Variants in SEMA3A observed in about 807,000 individuals in gnomAD.
The protein encoded by SEMA3A is semaphorin-3A.
A neutral mutation model predicts 97.9 loss-of-function variants in SEMA3A; 29 were observed. The ratio of observed to expected loss-of-function variants is 0.30; its 90% CI spans 0.22 to 0.40. SEMA3A has a LOEUF of 0.40. SEMA3A is among the 10% of genes least tolerant of loss of function. SEMA3A has a pLI of 1.00. For synonymous variants in SEMA3A, 321 were observed against 323.7 expected (o/e 0.99, Z 0.09); for missense variants, 763 against 951.3 (o/e 0.80, Z 2.60).
intron 1 of SEMA3A, among the ~76,000 whole-genome samples, chr7:84,441,616 G>A (rs1305660829): frequency 2.0e-5 from 3 of 152,042 alleles, no homozygotes; most frequent in Non-Finnish European, 4.4e-5. Context: ...CATAGAAAAT[G>A]TTTCAAGAAA....
At chr7:84,239,073 C>T (rs554982824) in intron 3 of SEMA3A, among the ~76,000 whole-genome samples, 52 of 151,720 alleles carry the variant, frequency 3.4e-4, no homozygotes, top group African/African-American at 1.2e-3. Context: ...AGAATGTAGA[C>T]CAAAAATAAT....
At chr7:84,419,328 A>G (rs1804523960) in intron 1 of SEMA3A, among the ~76,000 whole-genome samples, 1 of 152,170 alleles carries the variant, frequency 6.6e-6, no homozygotes, top group South Asian at 2.1e-4. Flanking sequence ...TTTTTGTTAT[A>G]GAAGCACAAT....
intron 4 of SEMA3A, 40 bp from the exon 5 acceptor site, chr7:84,060,598 T>C (rs369478800): frequency 3.0e-6 from 4 of 1,335,992 alleles, no homozygotes; most frequent in African/African-American, 1.5e-5. Flanking sequence ...GTTTCCTTTA[T>C]ATATAAAAAT....
At chr7:84,064,062 G>C (rs889420935) in intron 4 of SEMA3A, among the ~76,000 whole-genome samples, 4 of 152,198 alleles carry the variant, frequency 2.6e-5, no homozygotes, top group African/African-American at 9.7e-5. Context: ...CAGACTAACA[G>C]CTGATCGCTC....
intron 4 of SEMA3A, among the ~76,000 whole-genome samples, chr7:84,107,066 T>G (rs796403838): frequency 6.6e-6 from 1 of 152,170 alleles, no homozygotes. Context: ...AAGTTGTCCT[T>G]GAGAACAAAA....
chr7:84,147,822 T>C (rs1796507471), intron 1 of SEMA3A, among the ~76,000 whole-genome samples: 1 of 152,204 alleles, frequency 6.6e-6, no homozygotes, highest in African/African-American at 2.4e-5. Context: ...GCAAATGCAA[T>C]TTAAATTTGT....
At chr7:84,019,751 T>C (rs558984848) in intron 6 of SEMA3A, among the ~76,000 whole-genome samples, 1 of 152,238 alleles carries the variant, frequency 6.6e-6, no homozygotes, top group East Asian at 1.9e-4. Flanking sequence ...ATTTGTATAC[T>C]TATCCTGCGT....
chr7:84,458,318 T>A (rs1371074491), intron 1 of SEMA3A, among the ~76,000 whole-genome samples: 1 of 152,052 alleles, frequency 6.6e-6, no homozygotes, highest in Non-Finnish European at 1.5e-5. Context: ...TATTTGTGTC[T>A]CTCTTTAAAC....
chr7:84,041,791 C>T (rs1269717597), intron 6 of SEMA3A, among the ~76,000 whole-genome samples: 3 of 152,002 alleles, frequency 2.0e-5, no homozygotes, highest in Non-Finnish European at 4.4e-5. Context: ...ATAAAACAGG[C>T]TTATAGAGGG....
intron 4 of SEMA3A, among the ~76,000 whole-genome samples, chr7:84,086,604 A>AT (rs1382445049): frequency 6.4e-5 from 9 of 141,304 alleles, no homozygotes; most frequent in South Asian, 2.2e-4. Context: ...TTATATTTAT[A>AT]ATCCTCACAA....
intron 13 of SEMA3A, among the ~76,000 whole-genome samples, chr7:83,985,028 T>C (rs1789569817): frequency 6.6e-6 from 1 of 152,092 alleles, no homozygotes; most frequent in South Asian, 2.1e-4. Flanking sequence ...TTGTTTATAT[T>C]TGCAAAGTAA....
intron 3 of SEMA3A, among the ~76,000 whole-genome samples, chr7:84,221,086 C>A (rs1302644641): frequency 1.3e-5 from 2 of 152,114 alleles, no homozygotes; most frequent in African/African-American, 2.4e-5. Context: ...ATCTTCTGAA[C>A]AACTTGTTGC....
At chr7:84,484,254 A>C (rs1364886663) in intron 1 of SEMA3A, among the ~76,000 whole-genome samples, 1 of 152,144 alleles carries the variant, frequency 6.6e-6, no homozygotes, top group South Asian at 2.1e-4. Context: ...AATTTTAAAA[A>C]TGTAGTGTTC....
At chr7:84,055,476 A>G (rs937194723) in intron 5 of SEMA3A, among the ~76,000 whole-genome samples, 18 of 152,116 alleles carry the variant, frequency 1.2e-4, no homozygotes, top group African/African-American at 1.7e-4. Flanking sequence ...TCCAGGTGCC[A>G]TCCGTCACCC....
chr7:84,198,692 C>T (rs1798292287), upstream of SEMA3A, among the ~76,000 whole-genome samples: 1 of 152,142 alleles, frequency 6.6e-6, no homozygotes, highest in Non-Finnish European at 1.5e-5. Context: ...ATGATTAACT[C>T]CTGCCGTGGA....
At chr7:84,362,462 A>T (rs1249173530) in intron 2 of SEMA3A, among the ~76,000 whole-genome samples, 1 of 152,038 alleles carries the variant, frequency 6.6e-6, no homozygotes, top group Non-Finnish European at 1.5e-5. Flanking sequence ...TGTTCTAAAA[A>T]CATCAGAGAG....
chr7:83,998,748 T>G (rs375154130), intron 12 of SEMA3A, among the ~76,000 whole-genome samples: 25 of 152,242 alleles, frequency 1.6e-4, no homozygotes, highest in Middle Eastern at 3.4e-3. Flanking sequence ...TACATTCTTG[T>G]TTGATAAATT....
intron 3 of SEMA3A, among the ~76,000 whole-genome samples, chr7:84,280,318 C>T (rs1800411041): frequency 6.6e-6 from 1 of 152,150 alleles, no homozygotes; most frequent in South Asian, 2.1e-4. Context: ...CACAGTGTCT[C>T]CTAAGCTAAA....
intron 3 of SEMA3A, among the ~76,000 whole-genome samples, chr7:84,282,362 T>C (rs1800459380): frequency 6.6e-6 from 1 of 152,166 alleles, no homozygotes; most frequent in African/African-American, 2.4e-5. Flanking sequence ...ACAGCTAACC[T>C]CCAAAAGCTT....
Sources: allele counts gnomAD v4.1 joint callset (sites outside exome capture counted in the v4.1 genomes callset), GRCh38; gene constraint gnomAD v4.1.1; transcripts MANE v1.5; gene names NCBI Gene and HGNC (gene_info 2026-07-23, HGNC 2026-07-21).